The following SLC25A20 variants were observed in gnomAD, a reference collection of about 807,000 sequenced individuals.
SLC25A20 encodes the protein solute carrier family 25 member 20, also known as mitochondrial carnitine/acylcarnitine carrier protein.
A neutral mutation model predicts 39.7 loss-of-function variants in SLC25A20; 29 were observed. That is an observed-to-expected ratio of 0.73 (90% CI 0.54 to 1.00). The LOEUF is 1.00. Ranked by LOEUF, SLC25A20 falls within the 50% of genes least tolerant of loss-of-function variation. SLC25A20 has a pLI of 0.00. For synonymous variants in SLC25A20, 103 were observed against 142.2 expected (o/e 0.72, Z 1.96); for missense variants, 333 against 379.9 (o/e 0.88, Z 1.03).
At chr3:48,889,942 C>T (rs749202327) in intron 2 of SLC25A20, among the ~76,000 whole-genome samples, 4 of 152,188 alleles carry the variant, frequency 2.6e-5, no homozygotes, top group African/African-American at 9.6e-5. Context: ...CTCTGTCACG[C>T]CCGCATAAGG....
chr3:48,887,266 A>G (rs2083836147), intron 2 of SLC25A20, among the ~76,000 whole-genome samples: 1 of 152,162 alleles, frequency 6.6e-6, no homozygotes, highest in Non-Finnish European at 1.5e-5. Context: ...ACCCAGTTCC[A>G]TGTTTCACAA....
Position 48,862,629 on chromosome 3 carries a change from T to C in SLC25A20, c.448A>G (p.Thr150Ala). 6.2e-7 allele frequency: 1 copy of C among 1,613,846 alleles called. No individual in the cohort carries two copies. The highest frequency in any genetic ancestry group is 1.1e-5 in the South Asian group (1 of 91,072). Residue 150 changes from threonine (T) to alanine (A), a missense_variant, in exon 5 of 9, where the codon ACT becomes GCT. Coordinates refer to ENST00000319017, the MANE Select transcript of SLC25A20 (RefSeq NM_000387.6). Reference sequence around the variant, plus strand: ...TTCTTTGCACAGTCCAAGGTACCAGTGTACTTGCTTTCTCCTGAAGAAGCC... The same window carrying C: ...TTCTTTGCACAGTCCAAGGTACCAGCGTACTTGCTTTCTCCTGAAGAAGCC... ...IQASSGESKY[T>A]GTLDCAKKLY...
chr3:48,888,673 G>A (rs920183554), intron 2 of SLC25A20, among the ~76,000 whole-genome samples: 5 of 152,018 alleles, frequency 3.3e-5, no homozygotes, highest in Non-Finnish European at 7.4e-5. Context: ...GAACAACTTC[G>A]CCAAGGCTGA....
chr3:48,887,797 G>A (rs919003294), intron 2 of SLC25A20, among the ~76,000 whole-genome samples: 1 of 152,176 alleles, frequency 6.6e-6, no homozygotes, highest in Non-Finnish European at 1.5e-5. Context: ...AGCTACTCGG[G>A]AGGCTGAGGC....
intron 2 of SLC25A20, among the ~76,000 whole-genome samples, chr3:48,891,636 C>T (rs531570742): frequency 2.0e-5 from 3 of 152,188 alleles, no homozygotes; most frequent in African/African-American, 7.2e-5. Flanking sequence ...GCCCCCAAAG[C>T]GCTAGGATTA....
rs2083597675 is a variant in SLC25A20 at position 48,858,502 on chromosome 3, C to T, written c.843+5G>A. On this transcript the variant is annotated splice_donor_5th_base_variant and intron_variant, in intron 8 of 8. Transcript: ENST00000319017. ...AGGGAAAGCACAGCCCTGCCAGCTA[C>T]TCACCGCATTGGCTGGGAAGGCTCG... The T allele has an allele frequency of 6.2e-7, 1 of 1,614,088 alleles. No individual in the cohort carries two copies. Among genetic ancestry groups the T allele is most frequent in the African/African-American group, 1.3e-5 (1 of 74,938 alleles).
At chr3:48,871,475 T>C (rs1165400296) in intron 4 of SLC25A20, among the ~76,000 whole-genome samples, 1 of 151,738 alleles carries the variant, frequency 6.6e-6, no homozygotes. Context: ...TGGAGTAGAA[T>C]AGAGAAACAA....
At chr3:48,882,894 C>T (rs1489860858) in intron 3 of SLC25A20, among the ~76,000 whole-genome samples, 1 of 150,704 alleles carries the variant, frequency 6.6e-6, no homozygotes, top group African/African-American at 2.4e-5. Context: ...ATCTCAAAAA[C>T]TCAAGTACTT....
chr3:48,894,591 G>T (rs1009732688), intron 1 of SLC25A20, among the ~76,000 whole-genome samples: 3 of 151,776 alleles, frequency 2.0e-5, no homozygotes, highest in Admixed American at 6.6e-5. Flanking sequence ...GTTTATTGTT[G>T]TTTTAAGCCA....
intron 1 of SLC25A20, among the ~76,000 whole-genome samples, chr3:48,893,787 C>A (rs559437625): frequency 2.3e-4 from 34 of 150,546 alleles, no homozygotes; most frequent in African/African-American, 7.3e-4. Flanking sequence ...GCCTTAGCCT[C>A]CCAAAGTGCT....
intron 4 of SLC25A20, among the ~76,000 whole-genome samples, chr3:48,872,137 G>A (rs2083721395): frequency 6.7e-6 from 1 of 149,886 alleles, no homozygotes; most frequent in Admixed American, 6.7e-5. Flanking sequence ...CCTGCCCAAT[G>A]ATTTTTTTTT....
chr3:48,870,922 G>A, intron 4 of SLC25A20, among the ~76,000 whole-genome samples: 1 of 150,752 alleles, frequency 6.6e-6, no homozygotes, highest in African/African-American at 2.4e-5. Flanking sequence ...CACCTCCCGG[G>A]TTAAGTGATT....
Position 48,859,171 on chromosome 3 carries a change from C to G in SLC25A20, c.639G>C (p.Leu213Phe). 1 of 1,614,054 alleles carries G rather than the reference C, an allele frequency of 6.2e-7. No homozygotes were observed. The change falls in exon 7 of 9, where the codon TTG becomes TTC. Residue 213 changes from leucine to phenylalanine, a missense_variant. Physicochemically the swap from Leu to Phe is conservative, Grantham distance 22. Transcript: ENST00000319017. Reference sequence around the variant, plus strand: ...AGATCCCTGCAATGCCCCCAGCCACCAAGATCCGAGGGGCACTGAGCTCAC... The same window carrying G: ...AGATCCCTGCAATGCCCCCAGCCACGAAGATCCGAGGGGCACTGAGCTCAC... ...RVSELSAPRI[L>F]VAGGIAGIFN...
intron 4 of SLC25A20, among the ~76,000 whole-genome samples, 176 bp downstream of exon 4, chr3:48,879,182 T>G (rs1216120139): frequency 2.0e-5 from 3 of 152,122 alleles, no homozygotes; most frequent in East Asian, 1.9e-4. Flanking sequence ...CAGGCTGGTC[T>G]TTAACTCATG....
At chr3:48,873,120 A>G (rs2083729025) in intron 4 of SLC25A20, among the ~76,000 whole-genome samples, 2 of 151,190 alleles carry the variant, frequency 1.3e-5, no homozygotes, top group Non-Finnish European at 3.0e-5. Context: ...GCTACTGGGG[A>G]GGCTGAGGCA....
chr3:48,879,264 C>T, intron 4 of SLC25A20, 94 bp downstream of exon 4: 1 of 972,904 alleles, frequency 1.0e-6, no homozygotes, highest in Non-Finnish European at 1.7e-6. Context: ...GCACCCAGTC[C>T]TGAAGCCTTT....
At chr3:48,878,272 AAAT>A (rs1204005181) in intron 4 of SLC25A20, among the ~76,000 whole-genome samples, 14 of 59,392 alleles carry the variant, frequency 2.4e-4, no homozygotes, top group South Asian at 1.3e-3. Flanking sequence ...CAAAAAAAAA[AAAT>A]ATATATATAT....
In SLC25A20 at chr3:48,857,835, G is replaced by A. The variant is rs868430653; in HGVS notation, c.844-63C>T. ...AATAACTATTCATAGACTATTCAAA[G>A]CACTATGCTTTGCTGGCCCTGTCAG... On this transcript the variant is annotated intron_variant, in intron 8 of 8. Coordinates refer to ENST00000319017, the MANE Select transcript of SLC25A20 (RefSeq NM_000387.6). 5.4e-6 allele frequency: 8 copies of A among 1,493,120 alleles called. No homozygotes were observed. The Middle Eastern group carries it at 6.8e-4, about 127-fold the overall frequency. The allele number at this position is 1,493,120 out of a possible 1,614,324, so 92.5% of individuals were successfully genotyped here.
intron 4 of SLC25A20, among the ~76,000 whole-genome samples, chr3:48,871,123 G>A (rs2083711889): frequency 6.6e-6 from 1 of 152,048 alleles, no homozygotes; most frequent in Non-Finnish European, 1.5e-5. Flanking sequence ...ACCATGCCCG[G>A]CCAGAAATTG....
Sources: allele counts gnomAD v4.1 joint callset (sites outside exome capture counted in the v4.1 genomes callset), GRCh38; gene constraint gnomAD v4.1.1; transcripts MANE v1.5; gene names NCBI Gene and HGNC (gene_info 2026-07-23, HGNC 2026-07-21).